The following CLSTN2 variants were observed in gnomAD, a reference collection of about 807,000 sequenced individuals.
CLSTN2 encodes calsyntenin 2.
CLSTN2 carries 48 observed loss-of-function variants against 101.2 expected under a neutral mutation model. The ratio of observed to expected loss-of-function variants is 0.47; its 90% confidence interval spans 0.38 to 0.60. The LOEUF is 0.60. Among genes scored for constraint, CLSTN2 ranks in the 20% least tolerant of loss-of-function variants. The pLI is 0.00. For missense variants in CLSTN2, 1,160 were observed against 1,238.2 expected, an observed-to-expected ratio of 0.94 and a Z score of 0.95; for synonymous variants, 481 against 463.6, an observed-to-expected ratio of 1.04 and a Z score of -0.48.
chr3:140,561,921 C>T (rs957805249), intron 12 of CLSTN2, among the ~76,000 whole-genome samples: 2 of 152,204 alleles, frequency 1.3e-5, no homozygotes, highest in African/African-American at 4.8e-5. Context: ...AGTATTCCTG[C>T]TGTTCCCACT....
At chr3:140,373,976 C>A (rs1451422750) in intron 2 of CLSTN2, among the ~76,000 whole-genome samples, 1 of 152,240 alleles carries the variant, frequency 6.6e-6, no homozygotes. Context: ...ATCTTCTCTG[C>A]AGGCTCCAGT....
chr3:140,540,488 T>A (rs1205614963), intron 9 of CLSTN2, among the ~76,000 whole-genome samples: 1 of 152,182 alleles, frequency 6.6e-6, no homozygotes, highest in African/African-American at 2.4e-5. Flanking sequence ...TCTACATCAC[T>A]GAAATGAGGA....
chr3:140,448,656 G>T lies in CLSTN2; in HGVS notation c.925G>T (p.Gly309Cys). 3 of 1,614,022 alleles carry T rather than the reference G, an allele frequency of 1.9e-6. No homozygotes were observed. The highest frequency in any genetic ancestry group is 2.5e-6 in the Non-Finnish European group (3 of 1,179,938). The change falls in exon 6 of 17, where the codon GGT becomes TGT. Residue 309 changes from glycine to cysteine, a missense_variant. By Grantham distance (159) the Gly-to-Cys change is radical. Coordinates refer to ENST00000458420, the MANE Select transcript of CLSTN2 (RefSeq NM_022131.3). ...GCTGCAGACTAATTACATTGGGAAG[G>T]GTTGTGACCGGGAGACCTACTCTGA... ...TELQTNYIGK[G>C]CDRETYSEKS...
At chr3:140,327,384 G>A (rs996753686) in intron 2 of CLSTN2, among the ~76,000 whole-genome samples, 2 of 152,138 alleles carry the variant, frequency 1.3e-5, no homozygotes, top group Admixed American at 6.5e-5. Context: ...CTAGCAACAT[G>A]CATGGCTTAT....
rs1009567448 is a variant in CLSTN2, at chr3:140,415,460, T to A, written c.638-5665T>A. Among the ~76,000 whole-genome samples, 8 of 85,540 alleles carry A rather than the reference T, an allele frequency of 9.4e-5. No homozygotes were observed. The Admixed American group carries it at 1.4e-3, about 15-fold the overall frequency. 56.1% of individuals were successfully genotyped at this position (85,540 alleles called of 152,430 possible). On this transcript the variant is annotated intron_variant, in intron 4 of 16. Coordinates refer to ENST00000458420, the MANE Select transcript of CLSTN2 (RefSeq NM_022131.3). ...ATGCAATAAAGTTATCCAAAATATA[T>A]GAGGAACTCATATAACACAAAATAG...
intron 2 of CLSTN2, among the ~76,000 whole-genome samples, chr3:140,251,322 C>G (rs2086561568): frequency 6.6e-6 from 1 of 152,104 alleles, no homozygotes; most frequent in Non-Finnish European, 1.5e-5. Context: ...ATAAGTGTCT[C>G]CTTCTATTAC....
At chr3:140,264,175 A>G (rs2086676082) in intron 2 of CLSTN2, among the ~76,000 whole-genome samples, 1 of 151,776 alleles carries the variant, frequency 6.6e-6, no homozygotes, top group South Asian at 2.1e-4. Context: ...ATTTAGTGCC[A>G]CATGTTTTTC....
At chr3:140,387,962 A>C (rs566829087) in intron 2 of CLSTN2, among the ~76,000 whole-genome samples, 1 of 152,328 alleles carries the variant, frequency 6.6e-6, no homozygotes, top group South Asian at 2.1e-4. Context: ...CATTCTCCCT[A>C]TTGAAGGGAC....
intron 4 of CLSTN2, among the ~76,000 whole-genome samples, chr3:140,411,178 G>C (rs997545560): frequency 3.3e-5 from 5 of 152,142 alleles, no homozygotes; most frequent in African/African-American, 1.2e-4. Flanking sequence ...ATGCCTATAA[G>C]AGATTCACTT....
intron 1 of CLSTN2, among the ~76,000 whole-genome samples, chr3:140,146,100 A>G (rs2009777479): frequency 6.6e-6 from 1 of 152,216 alleles, no homozygotes; most frequent in Non-Finnish European, 1.5e-5. Context: ...GGTGAGGTAT[A>G]ATTTCCTATG....
At chr3:140,369,403 C>A (rs1002431983) in intron 2 of CLSTN2, among the ~76,000 whole-genome samples, 3 of 152,158 alleles carry the variant, frequency 2.0e-5, no homozygotes, top group African/African-American at 7.2e-5. Context: ...GGAGGCCAGC[C>A]AGAGAGCTTT....
At chr3:140,178,402 A>C (rs905161117) in intron 2 of CLSTN2, among the ~76,000 whole-genome samples, 3 of 152,234 alleles carry the variant, frequency 2.0e-5, no homozygotes, top group South Asian at 4.1e-4. Context: ...TTAAACTTGA[A>C]TTAGTATTCT....
At chr3:140,503,096 T>C (rs1934614061) in intron 8 of CLSTN2, among the ~76,000 whole-genome samples, 1 of 152,174 alleles carries the variant, frequency 6.6e-6, no homozygotes, top group Non-Finnish European at 1.5e-5. Context: ...TCTTCTTCAT[T>C]CATCACATCA....
At chr3:140,190,438 C>CAA (rs35206840) in intron 2 of CLSTN2, among the ~76,000 whole-genome samples, 1,345 of 82,670 alleles carry the variant, frequency 0.016, 29 homozygotes, top group African/African-American at 0.035. Flanking sequence ...TCTATAGCTA[C>CAA]AAAAAAAAAA....
At chr3:140,029,775 G>C (rs1013013021) in intron 1 of CLSTN2, among the ~76,000 whole-genome samples, 2 of 152,072 alleles carry the variant, frequency 1.3e-5, no homozygotes, top group African/African-American at 4.8e-5. Flanking sequence ...TGTCTTGGGA[G>C]CATTATCTTC....
chr3:140,275,121 C>G (rs530071746), intron 2 of CLSTN2, among the ~76,000 whole-genome samples: 22 of 152,138 alleles, frequency 1.4e-4, no homozygotes, highest in Non-Finnish European at 7.4e-5. Flanking sequence ...AGCCTCAGAT[C>G]GGGGCAACTC....
At chr3:140,498,227 T>C (rs1180981429) in intron 8 of CLSTN2, among the ~76,000 whole-genome samples, 2 of 152,178 alleles carry the variant, frequency 1.3e-5, no homozygotes, top group Non-Finnish European at 2.9e-5. Flanking sequence ...GAGAAGAGTT[T>C]ATCCACTGGC....
At chr3:139,965,830 G>A (rs1306859990) in intron 1 of CLSTN2, among the ~76,000 whole-genome samples, 1 of 152,096 alleles carries the variant, frequency 6.6e-6, no homozygotes, top group African/African-American at 2.4e-5. Context: ...AGTGTTATTC[G>A]GAGGCATGCC....
intron 2 of CLSTN2, among the ~76,000 whole-genome samples, chr3:140,359,093 A>T (rs1284431966): frequency 6.6e-6 from 1 of 152,012 alleles, no homozygotes; most frequent in East Asian, 1.9e-4. Flanking sequence ...CAGCCCCGTG[A>T]ACTATTGCCA....
Sources: allele counts gnomAD v4.1 joint callset (sites outside exome capture counted in the v4.1 genomes callset), GRCh38; gene constraint gnomAD v4.1.1; transcripts MANE v1.5; gene names NCBI Gene and HGNC (gene_info 2026-07-23, HGNC 2026-07-21).